The following ADCK1 variants were observed in gnomAD, a reference collection of about 807,000 sequenced individuals.
ADCK1 encodes the protein aarF domain containing kinase 1.
In ADCK1, 41 loss-of-function variants were observed where a neutral mutation model predicts 52.3. The observed-to-expected ratio is 0.78, with a 90% confidence interval of 0.61 to 1.02. The LOEUF (loss-of-function observed/expected upper bound fraction) is 1.02. Ranked by LOEUF, ADCK1 falls within the 50% of genes least tolerant of loss-of-function variation. The pLI is 0.00. For missense variants in ADCK1, 658 were observed against 679.5 expected, an observed-to-expected ratio of 0.97 and a Z score of 0.35; for synonymous variants, 250 against 274.6, an observed-to-expected ratio of 0.91 and a Z score of 0.89.
At chr14:77,837,344 G>A (rs921253075) in intron 3 of ADCK1, among the ~76,000 whole-genome samples, 1 of 151,936 alleles carries the variant, frequency 6.6e-6, no homozygotes, top group African/African-American at 2.4e-5. Context: ...CGCTGTGCTG[G>A]CCAGGCTGGT....
At chr14:77,835,935 A>G (rs943297751) in intron 3 of ADCK1, among the ~76,000 whole-genome samples, 6 of 152,194 alleles carry the variant, frequency 3.9e-5, no homozygotes, top group African/African-American at 1.2e-4. Context: ...GCCAAAAGCC[A>G]TATTTTTAAT....
chr14:77,869,457 C>T (rs1386766051), intron 4 of ADCK1, among the ~76,000 whole-genome samples: 1 of 152,164 alleles, frequency 6.6e-6, no homozygotes, highest in Non-Finnish European at 1.5e-5. Context: ...TATAAGGACA[C>T]AGTCATGTTG....
intron 4 of ADCK1, among the ~76,000 whole-genome samples, chr14:77,866,805 G>C (rs2082670257): frequency 6.6e-6 from 1 of 152,128 alleles, no homozygotes; most frequent in Non-Finnish European, 1.5e-5. Context: ...CCGGGTGTGG[G>C]CTATATCCAG....
chr14:77,815,031 G>A (rs1215147080), intron 1 of ADCK1, among the ~76,000 whole-genome samples: 1 of 150,464 alleles, frequency 6.6e-6, no homozygotes, highest in East Asian at 1.9e-4. Context: ...GGATTACAGA[G>A]GCACGTGACA....
At chr14:77,861,659 G>A (rs1164989808) in intron 4 of ADCK1, among the ~76,000 whole-genome samples, 1 of 152,268 alleles carries the variant, frequency 6.6e-6, no homozygotes, top group East Asian at 1.9e-4. Context: ...AGGTTACCTT[G>A]AGCTCAGAGA....
At chr14:77,839,263 A>C (rs1241904391) in intron 3 of ADCK1, among the ~76,000 whole-genome samples, 1 of 152,192 alleles carries the variant, frequency 6.6e-6, no homozygotes, top group Middle Eastern at 3.2e-3. Flanking sequence ...AGGAAGAGGC[A>C]GGGCCGGCCA....
In ADCK1 at chr14:77,887,083, C is replaced by T. The variant is rs758720601; in HGVS notation, c.424-8C>T. ...TTTTCATTGCTCTGTTCTCTCCACT[C>T]CCGACAGATCCATGATTTGTTCCAG... On this transcript the variant is annotated splice_region_variant and splice_polypyrimidine_tract_variant and intron_variant, in intron 4 of 10. Transcript: ENST00000238561. 2 of 1,569,748 alleles carry T rather than the reference C, an allele frequency of 1.3e-6. No individual in the cohort carries two copies. The highest frequency in any genetic ancestry group is 3.7e-5 in the Admixed American group (2 of 54,036).
chr14:77,891,017 C>T (rs777999969), intron 5 of ADCK1, among the ~76,000 whole-genome samples: 4 of 151,904 alleles, frequency 2.6e-5, no homozygotes, highest in Non-Finnish European at 4.4e-5. Flanking sequence ...GTTTCGAGCC[C>T]AGTGGAAGGT....
rs770268465 is a variant in ADCK1, at chr14:77,887,115, G to T, written c.448G>T (p.Asp150Tyr). ...GATCCATGATTTGTTCCAGAGCTTC[G>T]ATGACACCCCTCTGGGGACGGCCTC... ...KEIHDLFQSF[D>Y]DTPLGTASLA... The change falls in exon 5 of 11, where the codon GAT becomes TAT. Residue 150 changes from aspartate to tyrosine, a missense_variant. Transcript: ENST00000238561. 1 of 1,598,786 alleles carries T rather than the reference G, an allele frequency of 6.3e-7. No homozygotes were observed. The highest frequency in any genetic ancestry group is 1.1e-5 in the South Asian group (1 of 88,870).
intron 1 of ADCK1, among the ~76,000 whole-genome samples, chr14:77,805,162 C>T (rs1201456443): frequency 6.9e-6 from 1 of 144,076 alleles, no homozygotes; most frequent in Non-Finnish European, 1.5e-5. Context: ...GCCGAGATTG[C>T]ACCACTGCAC....
chr14:77,844,273 G>A (rs2082131786), intron 3 of ADCK1, among the ~76,000 whole-genome samples: 2 of 152,090 alleles, frequency 1.3e-5, no homozygotes, highest in Admixed American at 1.3e-4. Context: ...ACTAGAGACA[G>A]GGTTTCACCA....
At chr14:77,886,037 A>G (rs1380749965) in intron 4 of ADCK1, among the ~76,000 whole-genome samples, 1 of 152,244 alleles carries the variant, frequency 6.6e-6, no homozygotes, top group Non-Finnish European at 1.5e-5. Context: ...TCTACTTCAT[A>G]GAAAAAGAAA....
In ADCK1 at chr14:77,859,097, C is replaced by A. The variant is rs139353105; in HGVS notation, c.241C>A (p.Arg81Ser). 5 of 1,607,674 alleles carry A rather than the reference C, an allele frequency of 3.1e-6. No homozygotes were observed. The South Asian group carries it at 3.3e-5, about 11-fold the overall frequency. Residue 81 changes from arginine to serine, a missense_variant, in exon 4 of 11, where the codon CGT becomes AGT. Physicochemically the swap from Arg to Ser is moderately radical, Grantham distance 110. Coordinates refer to ENST00000238561, the MANE Select transcript of ADCK1 (RefSeq NM_020421.4). ...RSKVHLRSAR[R>S]LCELCCANRG... ...GCAGGTGCACCTTCGCTCTGCCAGG[C>A]GTCTCTGTGAGCTCTGCTGTGCCAA...
At chr14:77,827,365 A>G (rs1397886671) in intron 3 of ADCK1, among the ~76,000 whole-genome samples, 1 of 150,784 alleles carries the variant, frequency 6.6e-6, no homozygotes, top group African/African-American at 2.5e-5. Flanking sequence ...AAAAAAAAAA[A>G]AAAAAAGAAA....
At chr14:77,842,541 C>T (rs372135168) in intron 3 of ADCK1, among the ~76,000 whole-genome samples, 47 of 147,676 alleles carry the variant, frequency 3.2e-4, no homozygotes, top group South Asian at 6.4e-4. Flanking sequence ...CCTTCCCTTC[C>T]TCCCTTCCTT....
intron 1 of ADCK1, among the ~76,000 whole-genome samples, chr14:77,800,553 C>G (rs2081087440): frequency 6.6e-6 from 1 of 152,228 alleles, no homozygotes; most frequent in Admixed American, 6.5e-5. Context: ...CCTGTGAGTT[C>G]CGAGGCAGAA....
intron 3 of ADCK1, among the ~76,000 whole-genome samples, chr14:77,826,310 A>G (rs934322883): frequency 6.6e-6 from 1 of 152,346 alleles, no homozygotes. Context: ...AGGGTAAAAC[A>G]TAGTTATCTC....
At chr14:77,918,490 GGGGC>G (rs2083978246) in intron 7 of ADCK1, among the ~76,000 whole-genome samples, 1 of 152,182 alleles carries the variant, frequency 6.6e-6, no homozygotes, top group Non-Finnish European at 1.5e-5. Context: ...CACAGGGCAT[GGGGC>G]AGTGTTAGGG....
chr14:77,863,168 G>C, intron 4 of ADCK1, among the ~76,000 whole-genome samples: 1 of 152,184 alleles, frequency 6.6e-6, no homozygotes, highest in Non-Finnish European at 1.5e-5. Flanking sequence ...TTCAGAATGT[G>C]AGTCTGAGGG....
Sources: allele counts gnomAD v4.1 joint callset (sites outside exome capture counted in the v4.1 genomes callset), GRCh38; gene constraint gnomAD v4.1.1; transcripts MANE v1.5; gene names NCBI Gene and HGNC (gene_info 2026-07-23, HGNC 2026-07-21).